Variants in NOL4 observed in about 807,000 individuals in gnomAD.
NOL4 encodes nucleolar protein 4.
A neutral mutation model predicts 75.9 loss-of-function variants in NOL4; 17 were observed. The observed-to-expected ratio is 0.22, with a 90% CI of 0.15 to 0.34. The LOEUF is 0.34. Ranked by LOEUF, NOL4 falls within the 10% of genes least tolerant of loss-of-function variation. The pLI is 1.00. For synonymous variants in NOL4, 292 were observed against 289.9 expected (o/e 1.01, Z -0.07); for missense variants, 614 against 793.5 (o/e 0.77, Z 2.72).
intron 9 of NOL4, among the ~76,000 whole-genome samples, chr18:33,942,728 ACT>A (rs1293100366): frequency 6.6e-6 from 1 of 151,786 alleles, no homozygotes; most frequent in Non-Finnish European, 1.5e-5. Context: ...TGATCAGGTC[ACT>A]CTCATAAGTC....
intron 2 of NOL4, among the ~76,000 whole-genome samples, chr18:34,117,226 T>G (rs1452509608): frequency 6.6e-6 from 1 of 152,188 alleles, no homozygotes. Flanking sequence ...ATGATCTCTG[T>G]GTAACAGATG....
At chr18:34,116,544 G>A (rs2079868421) in intron 2 of NOL4, among the ~76,000 whole-genome samples, 1 of 152,064 alleles carries the variant, frequency 6.6e-6, no homozygotes, top group Non-Finnish European at 1.5e-5. Context: ...AATCTAATTT[G>A]CAAAACTCAT....
At chr18:33,891,875 C>T (rs949092439) in intron 9 of NOL4, among the ~76,000 whole-genome samples, 1 of 152,008 alleles carries the variant, frequency 6.6e-6, no homozygotes, top group Non-Finnish European at 1.5e-5. Context: ...CAACACTGGC[C>T]TTGTAGGGAT....
intron 6 of NOL4, among the ~76,000 whole-genome samples, chr18:33,980,565 C>T (rs2071870833): frequency 1.3e-5 from 2 of 151,674 alleles, no homozygotes; most frequent in Admixed American, 1.3e-4. Flanking sequence ...CCAACTCTAG[C>T]CTGCTCTAGG....
chr18:33,963,688 A>G (rs2070341223), intron 6 of NOL4, among the ~76,000 whole-genome samples: 1 of 152,174 alleles, frequency 6.6e-6, no homozygotes, highest in South Asian at 2.1e-4. Flanking sequence ...TGCCTTAGCT[A>G]TATACTTTGC....
At chr18:34,102,014 T>A (rs146505770) in intron 4 of NOL4, among the ~76,000 whole-genome samples, 349 of 152,170 alleles carry the variant, frequency 2.3e-3, no homozygotes, top group African/African-American at 8.0e-3. Flanking sequence ...CTGCAGCTAC[T>A]AGATATATAC....
intron 6 of NOL4, among the ~76,000 whole-genome samples, chr18:33,968,578 A>T (rs1229083129): frequency 6.6e-6 from 1 of 152,228 alleles, no homozygotes; most frequent in Non-Finnish European, 1.5e-5. Flanking sequence ...CATTGGGTAC[A>T]AATGAATATA....
At chr18:34,183,016 A>G (rs1454332798) in intron 1 of NOL4, among the ~76,000 whole-genome samples, 1 of 151,784 alleles carries the variant, frequency 6.6e-6, no homozygotes, top group Non-Finnish European at 1.5e-5. Flanking sequence ...CTTCAGTGTG[A>G]CACAAAAATA....
At chr18:33,905,992 A>G (rs144350839) in intron 9 of NOL4, among the ~76,000 whole-genome samples, 1 of 152,184 alleles carries the variant, frequency 6.6e-6, no homozygotes, top group Non-Finnish European at 1.5e-5. Flanking sequence ...GAGGCCTAGC[A>G]TGACTAACTC....
At chr18:33,966,771 A>C (rs973973276) in intron 6 of NOL4, among the ~76,000 whole-genome samples, 1 of 152,170 alleles carries the variant, frequency 6.6e-6, no homozygotes, top group Non-Finnish European at 1.5e-5. Flanking sequence ...TCTAGAATAT[A>C]TACAACCAAT....
chr18:34,140,101 A>G (rs549617884), intron 1 of NOL4, among the ~76,000 whole-genome samples: 28 of 152,262 alleles, frequency 1.8e-4, no homozygotes, highest in Non-Finnish European at 3.8e-4. Flanking sequence ...ACTTCCAACT[A>G]TGTGGTCAAT....
chr18:33,920,479 C>G (rs779785041), intron 9 of NOL4, among the ~76,000 whole-genome samples: 2 of 152,146 alleles, frequency 1.3e-5, no homozygotes, highest in Admixed American at 6.5e-5. Flanking sequence ...TACATGCATT[C>G]TTCAAAAAGT....
chr18:34,172,214 CA>C (rs1459413190), intron 1 of NOL4, among the ~76,000 whole-genome samples: 2 of 151,962 alleles, frequency 1.3e-5, no homozygotes, highest in Non-Finnish European at 2.9e-5. Flanking sequence ...TTATTTAAAG[CA>C]AATGAACTAA....
intron 1 of NOL4, among the ~76,000 whole-genome samples, chr18:34,175,995 G>A (rs1002071344): frequency 6.6e-6 from 1 of 152,030 alleles, no homozygotes; most frequent in Non-Finnish European, 1.5e-5. Flanking sequence ...AATAGGAAAT[G>A]TCTTGGAGGA....
chr18:33,996,291 A>T (rs1948486849), intron 6 of NOL4, among the ~76,000 whole-genome samples: 1 of 151,830 alleles, frequency 6.6e-6, no homozygotes, highest in Non-Finnish European at 1.5e-5. Flanking sequence ...CTCTATTAGA[A>T]ATAATTATAG....
At chr18:33,874,750 T>A (rs74332858) in intron 10 of NOL4, among the ~76,000 whole-genome samples, 1 of 151,980 alleles carries the variant, frequency 6.6e-6, no homozygotes, top group African/African-American at 2.4e-5. Flanking sequence ...CCTTTGAACA[T>A]TTCAGATGAA....
At chr18:33,985,562 G>A (rs761115224) in intron 6 of NOL4, among the ~76,000 whole-genome samples, 26 of 151,888 alleles carry the variant, frequency 1.7e-4, no homozygotes, top group Admixed American at 9.2e-4. Flanking sequence ...CTCAAAAATC[G>A]CCTTTTAGTC....
chr18:34,023,250 G>A (rs898015327), intron 5 of NOL4, among the ~76,000 whole-genome samples: 6 of 152,126 alleles, frequency 3.9e-5, no homozygotes, highest in African/African-American at 1.4e-4. Flanking sequence ...AGAACAGTAA[G>A]CAGATATTAA....
intron 6 of NOL4, among the ~76,000 whole-genome samples, chr18:34,004,843 A>T (rs2146266976): frequency 6.6e-6 from 1 of 152,152 alleles, no homozygotes; most frequent in Middle Eastern, 3.4e-3. Context: ...TCTTCCTCTT[A>T]TATTCATGAC....
Sources: gnomAD v4.1 joint callset for allele counts (sites outside exome capture counted in the v4.1 genomes callset) on GRCh38, gnomAD v4.1.1 for gene constraint, MANE v1.5 for transcripts, NCBI Gene and HGNC (gene_info 2026-07-23, HGNC 2026-07-21) for gene names.